Variants in NPR3 observed in about 807,000 individuals in gnomAD.
The protein encoded by NPR3 is natriuretic peptide receptor 3, also known as atrial natriuretic peptide receptor 3.
In NPR3, 34 loss-of-function variants were observed where a neutral mutation model predicts 54.5. That is an observed-to-expected ratio of 0.62 (90% CI 0.47 to 0.83). NPR3 has a LOEUF of 0.83. NPR3 is among the 40% of genes least tolerant of loss of function. The pLI, the probability that NPR3 is intolerant of heterozygous loss-of-function variation, is 0.00. For missense variants in NPR3, 674 were observed against 720.8 expected, an observed-to-expected ratio of 0.94 and a Z score of 0.74; for synonymous variants, 289 against 297.1, an observed-to-expected ratio of 0.97 and a Z score of 0.28.
At chr5:32,772,601 C>G (rs775622565) in intron 3 of NPR3, among the ~76,000 whole-genome samples, 1 of 152,122 alleles carries the variant, frequency 6.6e-6, no homozygotes, top group South Asian at 2.1e-4. Context: ...TAAAATGGGC[C>G]AATAACATAC....
intron 3 of NPR3, among the ~76,000 whole-genome samples, chr5:32,739,906 C>T (rs1333976448): frequency 6.6e-6 from 1 of 152,018 alleles, no homozygotes; most frequent in African/African-American, 2.4e-5. Context: ...TTTGAGTCAA[C>T]ATTTTGCTCT....
chr5:32,732,258 A>G, intron 2 of NPR3, among the ~76,000 whole-genome samples: 1 of 149,352 alleles, frequency 6.7e-6, no homozygotes, highest in Admixed American at 6.6e-5. Context: ...AAAAAAAAAA[A>G]AAAAAAAAAA....
At chr5:32,698,931 T>A (rs1740601136) in intron 1 of NPR3, among the ~76,000 whole-genome samples, 1 of 152,138 alleles carries the variant, frequency 6.6e-6, no homozygotes, top group East Asian at 1.9e-4. Context: ...ATTCAGCCAG[T>A]TTATGTCTTT....
intron 5 of NPR3, among the ~76,000 whole-genome samples, chr5:32,782,604 C>T (rs1742395631): frequency 6.6e-6 from 1 of 152,164 alleles, no homozygotes; most frequent in South Asian, 2.1e-4. Context: ...CTGGCACGAC[C>T]GCTCTTAATG....
At chr5:32,707,388 C>A (rs939461243), upstream of NPR3, among the ~76,000 whole-genome samples, 4 of 151,918 alleles carry the variant, frequency 2.6e-5, no homozygotes, top group African/African-American at 9.7e-5. Context: ...TTAATAAAGT[C>A]CCTGCTAAGG....
chr5:32,714,223 G>C (rs1738424620), intron 1 of NPR3, among the ~76,000 whole-genome samples: 1 of 152,276 alleles, frequency 6.6e-6, no homozygotes, highest in African/African-American at 2.4e-5. Flanking sequence ...TGACTCGTCC[G>C]TAATGTCACT....
chr5:32,756,123 G>A (rs1441811941), intron 3 of NPR3, among the ~76,000 whole-genome samples: 1 of 152,182 alleles, frequency 6.6e-6, no homozygotes, highest in African/African-American at 2.4e-5. Context: ...ACCCAGTAAT[G>A]GGATGGCTGG....
At chr5:32,742,046 C>T (rs114030092) in intron 3 of NPR3, among the ~76,000 whole-genome samples, 1,688 of 151,662 alleles carry the variant, frequency 0.011, 37 homozygotes, top group African/African-American at 0.039. Context: ...TAGTGTGGTG[C>T]GGGAGCCTGT....
chr5:32,770,643 C>T (rs775542437), intron 3 of NPR3, among the ~76,000 whole-genome samples: 3 of 152,098 alleles, frequency 2.0e-5, no homozygotes, highest in African/African-American at 4.8e-5. Context: ...GTCATAACTT[C>T]GTAACTTGCA....
chr5:32,764,213 G>C (rs927382476), intron 3 of NPR3, among the ~76,000 whole-genome samples: 1 of 152,134 alleles, frequency 6.6e-6, no homozygotes, highest in African/African-American at 2.4e-5. Flanking sequence ...AGAAGTTTAT[G>C]AAAGACTTGG....
At chr5:32,776,904 C>G (rs765542327) in intron 4 of NPR3, among the ~76,000 whole-genome samples, 18 of 152,032 alleles carry the variant, frequency 1.2e-4, no homozygotes, top group Non-Finnish European at 1.8e-4. Flanking sequence ...CAGGGAAGGT[C>G]TCTGAGAGTG....
intron 3 of NPR3, among the ~76,000 whole-genome samples, chr5:32,765,684 G>A (rs1741414909): frequency 6.6e-6 from 1 of 152,198 alleles, no homozygotes; most frequent in African/African-American, 2.4e-5. Flanking sequence ...GTGCAGTTAT[G>A]GAAGGAAGGA....
intron 5 of NPR3, among the ~76,000 whole-genome samples, 196 bp from the exon 6 acceptor site, chr5:32,782,697 C>CGT (rs1301243373): frequency 1.3e-5 from 2 of 152,108 alleles, no homozygotes; most frequent in East Asian, 3.9e-4. Flanking sequence ...TGTGGACAAC[C>CGT]GAGGAACGTG....
chr5:32,787,251 G>C lies in NPR3; in HGVS notation c.*906G>C, dbSNP rs966989530. On this transcript the variant is annotated 3_prime_UTR_variant, in exon 8 of 8. Coordinates refer to ENST00000265074, the MANE Select transcript of NPR3 (RefSeq NM_001204375.2). ...TGGCCACAGCCAAATGCTAATTGCT[G>C]CTTTAATTACAGAGATGTGTAAATG... is the stretch of plus-strand genomic sequence containing the variant. 6.6e-6 allele frequency: 1 copy of C among 152,444 alleles called. No homozygotes were observed. Among genetic ancestry groups the C allele is most frequent in the East Asian group, 1.9e-4 (1 of 5,186 alleles). 9.4% of individuals were successfully genotyped at this position (152,444 alleles called of 1,614,324 possible).
At chr5:32,700,274 A>G (rs1740633948) in intron 1 of NPR3, among the ~76,000 whole-genome samples, 1 of 152,120 alleles carries the variant, frequency 6.6e-6, no homozygotes, top group Non-Finnish European at 1.5e-5. Flanking sequence ...TATCCCTTTG[A>G]ATAAACTTTC....
chr5:32,701,735 G>A (rs934430631), intron 1 of NPR3, among the ~76,000 whole-genome samples: 7 of 152,152 alleles, frequency 4.6e-5, no homozygotes, highest in Non-Finnish European at 8.8e-5. Flanking sequence ...TGCATTAGGC[G>A]GCATCCCAAG....
chr5:32,724,659 A>C (rs1338708590), intron 1 of NPR3, 39 bp from the exon 2 acceptor site: 3 of 1,612,890 alleles, frequency 1.9e-6, no homozygotes, highest in South Asian at 2.2e-5. Flanking sequence ...AGTGCTCTGC[A>C]AAGGGGTGCC....
At chr5:32,752,225 A>ACCTC (rs1561109969) in intron 3 of NPR3, among the ~76,000 whole-genome samples, 2 of 138,598 alleles carry the variant, frequency 1.4e-5, no homozygotes, top group Admixed American at 1.4e-4. Context: ...AAAAACAAAA[A>ACCTC]CAAAAACAAA....
chr5:32,754,279 T>C (rs887043597), intron 3 of NPR3, among the ~76,000 whole-genome samples: 1 of 152,210 alleles, frequency 6.6e-6, no homozygotes, highest in Non-Finnish European at 1.5e-5. Context: ...TGCCAGAGAC[T>C]TTAATTTGTT....
Sources: allele counts gnomAD v4.1 joint callset (sites outside exome capture counted in the v4.1 genomes callset), GRCh38; gene constraint gnomAD v4.1.1; transcripts MANE v1.5; gene names NCBI Gene and HGNC (gene_info 2026-07-23, HGNC 2026-07-21).